DLG2: variants seen among roughly 807,000 people sequenced by gnomAD.
DLG2 encodes discs large MAGUK scaffold protein 2, also known as disks large homolog 2.
A neutral mutation model predicts 132.5 loss-of-function variants in DLG2; 45 were observed. That is an observed-to-expected ratio of 0.34 (90% CI 0.27 to 0.44). DLG2 has a LOEUF of 0.44. Among genes scored for constraint, DLG2 ranks in the 20% least tolerant of loss-of-function variants. The pLI is 1.00. For synonymous variants in DLG2, 424 were observed against 419.6 expected (o/e 1.01, Z -0.13); for missense variants, 1,045 against 1,196.9 (o/e 0.87, Z 1.87).
intron 21 of DLG2, among the ~76,000 whole-genome samples, chr11:83,514,983 A>G (rs2095236194): frequency 6.6e-6 from 1 of 152,068 alleles, no homozygotes; most frequent in Non-Finnish European, 1.5e-5. Context: ...TTGGTCTAAA[A>G]TTCTCTTTTT....
At chr11:83,476,208 T>C (rs1304674202) in intron 22 of DLG2, among the ~76,000 whole-genome samples, 1 of 152,142 alleles carries the variant, frequency 6.6e-6, no homozygotes, top group East Asian at 1.9e-4. Context: ...CTTAGAGTCA[T>C]AGAATGCTAG....
intron 7 of DLG2, among the ~76,000 whole-genome samples, chr11:84,383,146 C>T (rs1437698437): frequency 6.6e-6 from 1 of 151,892 alleles, no homozygotes; most frequent in African/African-American, 2.4e-5. Context: ...CCCGACTTAC[C>T]TTCTCAATAC....
chr11:85,390,132 C>T (rs1005690858), intron 3 of DLG2, among the ~76,000 whole-genome samples: 2 of 151,922 alleles, frequency 1.3e-5, no homozygotes, highest in Admixed American at 6.6e-5. Context: ...TAACCACTCA[C>T]ATAAACTTAA....
chr11:85,504,319 T>A (rs2093876968), intron 3 of DLG2, among the ~76,000 whole-genome samples: 1 of 152,078 alleles, frequency 6.6e-6, no homozygotes, highest in Non-Finnish European at 1.5e-5. Context: ...TTGCCTAGGT[T>A]TTCTTCTAGG....
intron 6 of DLG2, among the ~76,000 whole-genome samples, chr11:85,032,170 A>C (rs2061061255): frequency 6.6e-6 from 1 of 152,126 alleles, no homozygotes; most frequent in Non-Finnish European, 1.5e-5. Context: ...ATGTTGAAGT[A>C]GAGCTTTTCA....
At chr11:85,070,494 T>C (rs1230854623) in intron 6 of DLG2, among the ~76,000 whole-genome samples, 1 of 151,724 alleles carries the variant, frequency 6.6e-6, no homozygotes, top group Non-Finnish European at 1.5e-5. Context: ...AGGTGACAGG[T>C]ACTTAAAAGC....
intron 7 of DLG2, among the ~76,000 whole-genome samples, chr11:84,380,913 G>A (rs1318803827): frequency 1.3e-5 from 2 of 151,822 alleles, no homozygotes. Flanking sequence ...GTGTATTTAT[G>A]AATATATTAA....
At chr11:83,979,057 C>T (rs920549965) in intron 12 of DLG2, among the ~76,000 whole-genome samples, 4 of 151,970 alleles carry the variant, frequency 2.6e-5, no homozygotes, top group African/African-American at 9.7e-5. Context: ...CAAAAAAGCC[C>T]TTTATAAAAG....
intron 3 of DLG2, among the ~76,000 whole-genome samples, chr11:85,589,256 C>T (rs905177923): frequency 6.6e-6 from 1 of 152,126 alleles, no homozygotes; most frequent in African/African-American, 2.4e-5. Context: ...CTTGGAGCAG[C>T]GTTATTCTGT....
intron 6 of DLG2, among the ~76,000 whole-genome samples, chr11:84,538,347 T>C (rs1358987124): frequency 6.6e-6 from 1 of 152,186 alleles, no homozygotes; most frequent in East Asian, 1.9e-4. Context: ...TCCAAATTCA[T>C]GGAAATCTTT....
At chr11:84,425,771 G>A (rs1333246274) in intron 7 of DLG2, among the ~76,000 whole-genome samples, 3 of 152,102 alleles carry the variant, frequency 2.0e-5, no homozygotes, top group Non-Finnish European at 4.4e-5. Context: ...AGTGGTTAGT[G>A]AAGATATTTG....
chr11:84,742,658 T>C (rs6592197), intron 6 of DLG2, among the ~76,000 whole-genome samples: 93,669 of 152,054 alleles, frequency 0.62, 29,286 homozygotes, highest in Middle Eastern at 0.68. Context: ...ATCATAATCA[T>C]CCGAAGTCCA....
intron 19 of DLG2, among the ~76,000 whole-genome samples, chr11:83,562,894 A>C (rs948084122): frequency 1.1e-4 from 16 of 150,776 alleles, no homozygotes; most frequent in Non-Finnish European, 2.1e-4. Context: ...CTGGTCTTTA[A>C]GATTTCCCTA....
At chr11:84,331,647 C>T (rs1009986762) in intron 7 of DLG2, among the ~76,000 whole-genome samples, 9 of 151,556 alleles carry the variant, frequency 5.9e-5, no homozygotes, top group African/African-American at 1.9e-4. Context: ...TTTATAAAAT[C>T]CCCATGTTGG....
chr11:83,813,428 C>A (rs999233521), intron 17 of DLG2, among the ~76,000 whole-genome samples: 4 of 152,130 alleles, frequency 2.6e-5, no homozygotes, highest in African/African-American at 9.6e-5. Flanking sequence ...GGAATGCTTT[C>A]TCCCAAGCCC....
intron 7 of DLG2, among the ~76,000 whole-genome samples, chr11:84,333,440 A>G (rs544620374): frequency 6.6e-6 from 1 of 152,326 alleles, no homozygotes; most frequent in Non-Finnish European, 1.5e-5. Flanking sequence ...TTGTTACATT[A>G]CTGATCTCTG....
intron 10 of DLG2, among the ~76,000 whole-genome samples, chr11:84,060,691 G>A (rs1232829215): frequency 1.3e-5 from 2 of 151,902 alleles, no homozygotes; most frequent in Non-Finnish European, 2.9e-5. Flanking sequence ...TTAAGAGCAC[G>A]GGGCTTGAGA....
chr11:83,842,770 C>T (rs533390009), intron 16 of DLG2, among the ~76,000 whole-genome samples: 11 of 147,820 alleles, frequency 7.4e-5, no homozygotes, highest in South Asian at 4.3e-4. Context: ...GAGCTGAGAT[C>T]ACGCCACTGC....
At chr11:85,134,536 A>G (rs1566917369) in intron 5 of DLG2, among the ~76,000 whole-genome samples, 1 of 140,270 alleles carries the variant, frequency 7.1e-6, no homozygotes, top group Non-Finnish European at 1.5e-5. Flanking sequence ...CTCAAAAAAA[A>G]AAAAAAAAAA....
Sources: allele counts gnomAD v4.1 joint callset (sites outside exome capture counted in the v4.1 genomes callset), GRCh38; gene constraint gnomAD v4.1.1; transcripts MANE v1.5; gene names NCBI Gene and HGNC (gene_info 2026-07-23, HGNC 2026-07-21).